SARDH: variants seen among roughly 807,000 people sequenced by gnomAD.
SARDH encodes sarcosine dehydrogenase, mitochondrial.
Under a neutral mutation model 109.1 loss-of-function variants are expected in SARDH, and 95 were observed. That is an observed-to-expected ratio of 0.87 (90% CI 0.74 to 1.03). The LOEUF (loss-of-function observed/expected upper bound fraction) is 1.03. Ranked by LOEUF, SARDH falls within the 50% of genes least tolerant of loss-of-function variation. The pLI is 0.00. For synonymous variants in SARDH, 572 were observed against 534.8 expected (o/e 1.07, Z -0.96); for missense variants, 1,267 against 1,287.8 (o/e 0.98, Z 0.25).
chr9:133,720,554 A>G (rs1832288035), intron 6 of SARDH, among the ~76,000 whole-genome samples: 1 of 152,262 alleles, frequency 6.6e-6, no homozygotes, highest in East Asian at 1.9e-4. Flanking sequence ...AAAGAGGTTT[A>G]ATGGACTCAC....
Position 133,732,452 on chromosome 9 carries a change from G to A in SARDH, c.481C>T (p.Arg161Cys), listed in dbSNP as rs200531655. 27 of 1,589,796 alleles carry A rather than the reference G, an allele frequency of 1.7e-5. No individual in the cohort carries two copies. Among genetic ancestry groups the A allele is most frequent in the Admixed American group, 8.5e-5 (5 of 59,034 alleles). Residue 161 changes from arginine to cysteine, a missense_variant, in exon 3 of 21, where the codon CGC becomes TGC. Arg to Cys is a radical substitution (Grantham distance 180). Transcript: ENST00000439388. ...GGLFIASNRQ[R>C]LDEYKRLMSL... ...ATGAGCCTCTTGTACTCGTCCAGGC[G>A]CTGCCGGTTGGACGCGATGAAGAGG...
intron 7 of SARDH, 120 bp from the exon 8 acceptor site, chr9:133,717,575 G>T: frequency 7.1e-7 from 1 of 1,399,098 alleles, no homozygotes; most frequent in Non-Finnish European, 9.7e-7. Context: ...GCATTAGAGG[G>T]CTGGTGGTCA....
At chr9:133,736,483 C>T (rs975802084) in intron 1 of SARDH, among the ~76,000 whole-genome samples, 1 of 152,112 alleles carries the variant, frequency 6.6e-6, no homozygotes, top group Non-Finnish European at 1.5e-5. Flanking sequence ...GCAACCTCTG[C>T]CTCCTGGGTT....
At chr9:133,685,695 A>G (rs2519072) in intron 16 of SARDH, among the ~76,000 whole-genome samples, 71,837 of 152,066 alleles carry the variant, frequency 0.47, 19,218 homozygotes, top group African/African-American at 0.74. Flanking sequence ...CCAACTCTTC[A>G]GAGGCCAGAG....
intron 15 of SARDH, 147 bp from the exon 16 acceptor site, chr9:133,690,674 C>T: frequency 1.1e-6 from 1 of 895,014 alleles, no homozygotes; most frequent in Non-Finnish European, 1.7e-6. Context: ...CGTATCTGTC[C>T]CTCCCTGGGT....
downstream of SARDH, among the ~76,000 whole-genome samples, chr9:133,661,713 T>C (rs941969251): frequency 6.6e-6 from 1 of 152,060 alleles, no homozygotes; most frequent in African/African-American, 2.4e-5. Context: ...ACTCCCAACC[T>C]CAGGTGATCC....
chr9:133,693,458 C>T lies in SARDH; in HGVS notation c.1921+800G>A, dbSNP rs1379835404. 6.6e-6 allele frequency among the ~76,000 whole-genome samples: 1 copy of T among 152,216 alleles called. No individual in the cohort carries two copies. Among genetic ancestry groups the T allele is most frequent in the Non-Finnish European group, 1.5e-5 (1 of 68,034 alleles). On this transcript the variant is annotated intron_variant, in intron 15 of 20. Coordinates refer to ENST00000439388, the MANE Select transcript of SARDH (RefSeq NM_001134707.2). This position sits in a 1 kb window ranked among gnomAD's most constrained non-coding sequence, Gnocchi z 5.6. Reference sequence around the variant, plus strand: ...TGCCAGGTTTTCTGAATGGGCTGAGCCCTCCCCGCTGACTGTGCCCCTGCC... The same window carrying T: ...TGCCAGGTTTTCTGAATGGGCTGAGTCCTCCCCGCTGACTGTGCCCCTGCC...
Position 133,670,570 on chromosome 9 carries a change from A to G in SARDH, c.2495+14T>C, listed in dbSNP as rs1351326518. On this transcript the variant is annotated intron_variant, in intron 19 of 20. Coordinates refer to ENST00000439388, the MANE Select transcript of SARDH (RefSeq NM_001134707.2). ...AGTTGCTTCCGGGTGGGCGTGGAAC[A>G]GCGGGATACTCACTCCTCCATGGTG... 6.4e-7 allele frequency: 1 copy of G among 1,565,012 alleles called. No individual in the cohort carries two copies. Among genetic ancestry groups the G allele is most frequent in the Non-Finnish European group, 8.7e-7 (1 of 1,154,992 alleles).
At chr9:133,698,375 T>A (rs1011534298) in intron 13 of SARDH, among the ~76,000 whole-genome samples, 2 of 152,350 alleles carry the variant, frequency 1.3e-5, no homozygotes, top group Non-Finnish European at 2.9e-5. Flanking sequence ...ACACAGTCCC[T>A]ATCAAAATTC....
At position 133,686,086 on chromosome 9, in the gene SARDH, C is replaced by T. The variant is rs952803289; in HGVS notation, c.2070-800G>A. The stretch of plus-strand genomic sequence containing the variant: ...TGAGTGCCACAGTGCTATGAGGGCC[C>T]GGGAATGTTCCTGAGCACTGGACAC... On this transcript the variant is annotated intron_variant, in intron 16 of 20. Transcript: ENST00000439388. The surrounding 1 kb of genome is among the most constrained non-coding windows in gnomAD (Gnocchi z 4.0). Among the ~76,000 whole-genome samples, 3 of 152,160 alleles carry T rather than the reference C, an allele frequency of 2.0e-5. No homozygotes were observed. The highest frequency in any genetic ancestry group is 3.8e-4 in the East Asian group (2 of 5,198).
rs902451204 is a variant in SARDH at position 133,683,880 on chromosome 9, C to T, written c.2163+1313G>A. On this transcript the variant is annotated intron_variant, in intron 17 of 20. Transcript: ENST00000439388. ...GGAGAGACAGGGAGCTGCCTCCAAA[C>T]GCGGCCGTGCACCCGCCCACCCCCT... Among the ~76,000 whole-genome samples, 4 of 152,208 alleles carry T rather than the reference C, an allele frequency of 2.6e-5. No individual in the cohort carries two copies. The East Asian group carries it at 5.8e-4, about 22-fold the overall frequency.
intron 12 of SARDH, chr9:133,703,602 G>C (rs934176254): frequency 6.5e-6 from 1 of 154,724 alleles, no homozygotes; most frequent in Non-Finnish European, 1.4e-5. Context: ...GCCCCCATCA[G>C]ACACCCCACA....
chr9:133,735,918 T>C (rs1832869246), intron 1 of SARDH, among the ~76,000 whole-genome samples: 1 of 151,788 alleles, frequency 6.6e-6, no homozygotes, highest in Non-Finnish European at 1.5e-5. Context: ...TGCATGCCTG[T>C]AATCCCAGCT....
downstream of SARDH, among the ~76,000 whole-genome samples, chr9:133,659,645 G>GGCT (rs200909366): frequency 5.3e-3 from 807 of 152,302 alleles, 8 homozygotes; most frequent in African/African-American, 0.019. Context: ...TCAGCTAAGC[G>GGCT]GCTGCTGCTT....
chr9:133,706,560 A>G (rs1252741874), intron 11 of SARDH, among the ~76,000 whole-genome samples: 1 of 152,256 alleles, frequency 6.6e-6, no homozygotes, highest in African/African-American at 2.4e-5. Context: ...AAGGCACTTA[A>G]TGCCACTGAA....
In SARDH at chr9:133,692,539, C is replaced by T. The variant is rs1831136381; in HGVS notation, c.1921+1719G>A. Among the ~76,000 whole-genome samples the T allele has an allele frequency of 6.6e-6, 1 of 152,282 alleles. No homozygotes were observed. Among genetic ancestry groups the T allele is most frequent in the Non-Finnish European group, 1.5e-5 (1 of 68,022 alleles). ...CCAAGCTCAGGCCGGCCCTCTCCTCCAGGAAGCCTTGCTCATCCCGGCTCG... is the reference window on the plus strand; with the variant it reads ...CCAAGCTCAGGCCGGCCCTCTCCTCTAGGAAGCCTTGCTCATCCCGGCTCG... On this transcript the variant is annotated intron_variant, in intron 15 of 20. Coordinates refer to ENST00000439388, the MANE Select transcript of SARDH (RefSeq NM_001134707.2). This position sits in a 1 kb window ranked among gnomAD's most constrained non-coding sequence, Gnocchi z 5.0.
chr9:133,711,232 A>T (rs973561332), intron 10 of SARDH, among the ~76,000 whole-genome samples: 10 of 152,208 alleles, frequency 6.6e-5, no homozygotes, highest in African/African-American at 2.4e-4. Flanking sequence ...GCAGCCGAGG[A>T]TACAGAGGCA....
intron 19 of SARDH, 30 bp downstream of exon 19, chr9:133,670,554 C>A: frequency 6.4e-7 from 1 of 1,554,296 alleles, no homozygotes; most frequent in African/African-American, 1.4e-5. Context: ...CAGTTGCTTC[C>A]GGGTGGGCGT....
chr9:133,726,394 A>ATAATAATAATAATAGTAG (rs59172198), intron 6 of SARDH, among the ~76,000 whole-genome samples: 35 of 132,344 alleles, frequency 2.6e-4, no homozygotes, highest in East Asian at 8.4e-4. Flanking sequence ...AATAATAATA[A>ATAATAATAATAATAGTAG]TAGTAGTAGT....
Sources: allele counts gnomAD v4.1 joint callset (sites outside exome capture counted in the v4.1 genomes callset), GRCh38; gene constraint gnomAD v4.1.1; non-coding constraint Gnocchi (gnomAD v3.1); transcripts MANE v1.5; gene names NCBI Gene and HGNC (gene_info 2026-07-23, HGNC 2026-07-21).